Variants in TRHDE observed in about 807,000 individuals in gnomAD.
TRHDE encodes the protein thyrotropin-releasing hormone-degrading ectoenzyme.
In TRHDE, 72 loss-of-function variants were observed where a neutral mutation model predicts 125.7. The ratio of observed to expected loss-of-function variants is 0.57; its 90% CI spans 0.47 to 0.70. The LOEUF is 0.70. Among genes scored for constraint, TRHDE ranks in the 30% least tolerant of loss-of-function variants. The pLI, the probability that TRHDE is intolerant of heterozygous loss-of-function variation, is 0.00. For missense variants in TRHDE, 1,110 were observed against 1,327.1 expected, an observed-to-expected ratio of 0.84 and a Z score of 2.54; for synonymous variants, 509 against 509.1, an observed-to-expected ratio of 1.00 and a Z score of 0.00.
At chr12:72,294,833 A>G (rs1168812751) in intron 2 of TRHDE, among the ~76,000 whole-genome samples, 2 of 151,856 alleles carry the variant, frequency 1.3e-5, no homozygotes, top group Non-Finnish European at 2.9e-5. Flanking sequence ...TCCTATGCTC[A>G]TTGGTGCCCA....
intron 7 of TRHDE, among the ~76,000 whole-genome samples, chr12:72,545,701 T>C (rs1312757277): frequency 6.6e-6 from 1 of 151,688 alleles, no homozygotes; most frequent in Non-Finnish European, 1.5e-5. Flanking sequence ...TTTTTGCTGG[T>C]AATAGTTTTA....
chr12:72,194,173 T>C (rs1189476347), intron 2 of TRHDE, among the ~76,000 whole-genome samples: 1 of 152,096 alleles, frequency 6.6e-6, no homozygotes, highest in Non-Finnish European at 1.5e-5. Flanking sequence ...TGAGATAGAA[T>C]TTAAGAGTTT....
At chr12:72,243,944 A>G (rs1878527974) in intron 2 of TRHDE, among the ~76,000 whole-genome samples, 1 of 152,160 alleles carries the variant, frequency 6.6e-6, no homozygotes, top group Non-Finnish European at 1.5e-5. Context: ...AGGCTTCTGT[A>G]TTTTTAACAC....
chr12:72,211,872 C>T (rs1224384288), intron 2 of TRHDE, among the ~76,000 whole-genome samples: 2 of 152,108 alleles, frequency 1.3e-5, no homozygotes, highest in Non-Finnish European at 2.9e-5. Context: ...CAAGTACTTG[C>T]TCTTATGCAG....
intron 3 of TRHDE, among the ~76,000 whole-genome samples, chr12:72,457,071 T>C (rs985819292): frequency 6.6e-6 from 1 of 152,158 alleles, no homozygotes; most frequent in Admixed American, 6.6e-5. Context: ...GATCAATGCC[T>C]CCCAGCTGAT....
At chr12:72,604,616 A>G (rs933807552) in intron 12 of TRHDE, among the ~76,000 whole-genome samples, 1 of 152,084 alleles carries the variant, frequency 6.6e-6, no homozygotes, top group Admixed American at 6.5e-5. Context: ...TTAACAAAAT[A>G]TAAAATATTC....
At chr12:72,405,472 G>T (rs890848505) in intron 3 of TRHDE, among the ~76,000 whole-genome samples, 1 of 151,998 alleles carries the variant, frequency 6.6e-6, no homozygotes, top group Admixed American at 6.6e-5. Flanking sequence ...GGTATCTCTG[G>T]TCTCTAATAT....
intron 2 of TRHDE, among the ~76,000 whole-genome samples, chr12:72,231,805 G>T (rs1714707472): frequency 6.6e-6 from 1 of 152,146 alleles, no homozygotes; most frequent in Non-Finnish European, 1.5e-5. Flanking sequence ...TTAGGCTATG[G>T]AGTGATGACA....
chr12:72,099,917 G>A (rs564016820), intron 1 of TRHDE, among the ~76,000 whole-genome samples: 18 of 152,140 alleles, frequency 1.2e-4, no homozygotes, highest in Non-Finnish European at 1.0e-4. Context: ...TTCTGAAAGG[G>A]TACAATGTTT....
intron 3 of TRHDE, among the ~76,000 whole-genome samples, chr12:72,417,182 A>G (rs1873766056): frequency 6.6e-6 from 1 of 152,040 alleles, no homozygotes; most frequent in South Asian, 2.1e-4. Flanking sequence ...CTGTTAGCAT[A>G]TAGAAATTCT....
At chr12:72,320,467 A>AT (rs1360489230) in intron 2 of TRHDE, among the ~76,000 whole-genome samples, 2 of 150,446 alleles carry the variant, frequency 1.3e-5, no homozygotes, top group African/African-American at 2.5e-5. Context: ...GCAACCATCC[A>AT]TTTTTTTCCC....
At chr12:72,134,468 A>G (rs530848934) in intron 2 of TRHDE, among the ~76,000 whole-genome samples, 4 of 152,344 alleles carry the variant, frequency 2.6e-5, no homozygotes, top group Admixed American at 1.3e-4. Flanking sequence ...ATTTATTTTC[A>G]GCTTCAGGCC....
intron 1 of TRHDE, among the ~76,000 whole-genome samples, chr12:72,091,937 A>G (rs1251273362): frequency 6.6e-6 from 1 of 152,246 alleles, no homozygotes; most frequent in East Asian, 1.9e-4. Context: ...CACTAGAAGC[A>G]GAGAGCTCTC....
chr12:72,320,467 A>G (rs1869029008), intron 2 of TRHDE, among the ~76,000 whole-genome samples: 1 of 150,446 alleles, frequency 6.6e-6, no homozygotes, highest in Non-Finnish European at 1.5e-5. Context: ...GCAACCATCC[A>G]TTTTTTTCCC....
chr12:72,627,754 A>C (rs562359167), intron 15 of TRHDE, among the ~76,000 whole-genome samples: 1 of 151,654 alleles, frequency 6.6e-6, no homozygotes, highest in Non-Finnish European at 1.5e-5. Flanking sequence ...GTCATAAGTT[A>C]CTTCACCCTC....
chr12:72,420,920 A>G (rs1319627574), intron 3 of TRHDE, among the ~76,000 whole-genome samples: 1 of 151,726 alleles, frequency 6.6e-6, no homozygotes, highest in African/African-American at 2.4e-5. Flanking sequence ...AATGCTGAAT[A>G]CCTCTTATGT....
At chr12:72,554,556 G>C (rs544295444) in intron 7 of TRHDE, among the ~76,000 whole-genome samples, 5 of 152,302 alleles carry the variant, frequency 3.3e-5, no homozygotes, top group Non-Finnish European at 7.4e-5. Context: ...AGAGGTGGGA[G>C]AGGGAACTCT....
At chr12:72,394,015 A>T (rs1872700183) in intron 3 of TRHDE, among the ~76,000 whole-genome samples, 1 of 152,212 alleles carries the variant, frequency 6.6e-6, no homozygotes, top group Non-Finnish European at 1.5e-5. Flanking sequence ...CCTGGCTCAT[A>T]CAAACATAGG....
intron 6 of TRHDE, among the ~76,000 whole-genome samples, chr12:72,499,856 T>C (rs1273288840): frequency 6.6e-6 from 1 of 152,204 alleles, no homozygotes; most frequent in Non-Finnish European, 1.5e-5. Context: ...CATAGAAATA[T>C]TGGAAATATT....
Sources: allele counts gnomAD v4.1 joint callset (sites outside exome capture counted in the v4.1 genomes callset), GRCh38; gene constraint gnomAD v4.1.1; transcripts MANE v1.5; gene names NCBI Gene and HGNC (gene_info 2026-07-23, HGNC 2026-07-21).